TBCK: variants seen among roughly 807,000 people sequenced by gnomAD.
The protein encoded by TBCK is TBC1 domain containing kinase, also known as TBC domain-containing protein kinase-like protein.
In TBCK, 99 loss-of-function variants were observed where a neutral mutation model predicts 113.4. That is an observed-to-expected ratio of 0.87 (90% confidence interval 0.74 to 1.03). TBCK has a LOEUF of 1.03. TBCK is among the 50% of genes least tolerant of loss of function. The pLI, the probability that TBCK is intolerant of heterozygous loss-of-function variation, is 0.00. For missense variants in TBCK, 1,045 were observed against 1,061.3 expected, an observed-to-expected ratio of 0.98 and a Z score of 0.21; for synonymous variants, 369 against 370.8, an observed-to-expected ratio of 1.00 and a Z score of 0.05.
intron 11 of TBCK, among the ~76,000 whole-genome samples, chr4:106,242,776 A>G (rs940466086): frequency 3.3e-5 from 5 of 151,874 alleles, no homozygotes; most frequent in Non-Finnish European, 7.4e-5. Context: ...GGTTAGTTAC[A>G]TATGTATACA....
chr4:106,115,714 A>G (rs779822004), intron 24 of TBCK, among the ~76,000 whole-genome samples: 1 of 152,232 alleles, frequency 6.6e-6, no homozygotes, highest in Non-Finnish European at 1.5e-5. Flanking sequence ...TGGATGTTAC[A>G]GTATGTTCAA....
At chr4:106,298,566 T>C (rs1179829727) in intron 2 of TBCK, among the ~76,000 whole-genome samples, 2 of 151,930 alleles carry the variant, frequency 1.3e-5, no homozygotes, top group Non-Finnish European at 2.9e-5. Flanking sequence ...GCCGAGATCC[T>C]GCCACTGCAC....
intron 23 of TBCK, among the ~76,000 whole-genome samples, chr4:106,144,892 AT>A (rs765799041): frequency 2.0e-5 from 3 of 151,918 alleles, no homozygotes; most frequent in Non-Finnish European, 4.4e-5. Flanking sequence ...GCATGGTGGT[AT>A]ACGCCCATAA....
intron 22 of TBCK, among the ~76,000 whole-genome samples, chr4:106,174,981 G>T (rs962075918): frequency 1.3e-5 from 2 of 151,840 alleles, no homozygotes; most frequent in Non-Finnish European, 2.9e-5. Context: ...ACAAAAATTA[G>T]CCAAATGTGG....
At chr4:106,167,131 T>G (rs10025856) in intron 23 of TBCK, among the ~76,000 whole-genome samples, 9,866 of 143,068 alleles carry the variant, frequency 0.069, 403 homozygotes, top group African/African-American at 0.11. Flanking sequence ...TATATATATA[T>G]AGAGAGAGAG....
chr4:106,179,669 T>C (rs975991840), intron 22 of TBCK, among the ~76,000 whole-genome samples: 1 of 152,088 alleles, frequency 6.6e-6, no homozygotes, highest in Non-Finnish European at 1.5e-5. Context: ...ACAGGGTCCA[T>C]CTTGGAGAAT....
At chr4:106,078,610 A>G (rs554031748) in intron 25 of TBCK, among the ~76,000 whole-genome samples, 172 of 152,290 alleles carry the variant, frequency 1.1e-3, no homozygotes, top group African/African-American at 4.1e-3. Flanking sequence ...GAACAGACCT[A>G]TAACAAGTTC....
chr4:106,300,796 T>C (rs555165955), intron 2 of TBCK, among the ~76,000 whole-genome samples: 6 of 152,276 alleles, frequency 3.9e-5, no homozygotes, highest in Non-Finnish European at 8.8e-5. Context: ...ATCAGTTTAA[T>C]AGCCTTTAAG....
Position 106,300,539 on chromosome 4 carries a change from A to C in TBCK, c.194-5373T>G, listed in dbSNP as rs1388825386. On this transcript the variant is annotated intron_variant, in intron 2 of 25. Coordinates refer to ENST00000394708, the MANE Select transcript of TBCK (RefSeq NM_001163435.3). ...ACTAGCTCATCACCTTTAAAATATG[A>C]TATTTCAATAAGTGTTTATACAGTT... Among the ~76,000 whole-genome samples the C allele has an allele frequency of 1.7e-4, 26 of 152,218 alleles. 1 individual carries two copies. The highest frequency in any genetic ancestry group is 1.5e-5 in the Non-Finnish European group (1 of 68,034).
chr4:106,139,694 A>T (rs1746969397), intron 23 of TBCK, among the ~76,000 whole-genome samples: 1 of 141,728 alleles, frequency 7.1e-6, no homozygotes, highest in South Asian at 2.4e-4. Flanking sequence ...CAGAGATCAT[A>T]GAGATGTACT....
At chr4:106,133,163 C>T (rs1469058971) in intron 23 of TBCK, among the ~76,000 whole-genome samples, 1 of 152,094 alleles carries the variant, frequency 6.6e-6, no homozygotes, top group Non-Finnish European at 1.5e-5. Context: ...CCAAATCTCA[C>T]CTTGAACTGT....
intron 23 of TBCK, among the ~76,000 whole-genome samples, chr4:106,121,726 A>T (rs1204852221): frequency 6.6e-6 from 1 of 152,236 alleles, no homozygotes; most frequent in African/African-American, 2.4e-5. Flanking sequence ...AATCTTACTC[A>T]AAACCACTCA....
At chr4:106,080,649 C>A (rs991416487) in intron 25 of TBCK, among the ~76,000 whole-genome samples, 1 of 152,118 alleles carries the variant, frequency 6.6e-6, no homozygotes, top group Non-Finnish European at 1.5e-5. Flanking sequence ...GCTATTGCAA[C>A]AAAAGCAAAA....
At chr4:106,114,087 C>T (rs553954718) in intron 24 of TBCK, among the ~76,000 whole-genome samples, 6 of 152,272 alleles carry the variant, frequency 3.9e-5, no homozygotes, top group South Asian at 4.1e-4. Context: ...GATGCAAAGC[C>T]GGAATGCGAG....
At chr4:106,053,883 T>C (rs1735094369) in intron 25 of TBCK, among the ~76,000 whole-genome samples, 1 of 151,718 alleles carries the variant, frequency 6.6e-6, no homozygotes, top group South Asian at 2.1e-4. Flanking sequence ...TCTTTACCAA[T>C]GTATCCTGTA....
At chr4:106,274,464 G>A (rs921061525) in intron 3 of TBCK, among the ~76,000 whole-genome samples, 2 of 151,936 alleles carry the variant, frequency 1.3e-5, no homozygotes, top group African/African-American at 4.8e-5. Flanking sequence ...AACAAACTAT[G>A]GTAAAGACAT....
At chr4:106,193,140 G>C (rs1560795208) in intron 22 of TBCK, among the ~76,000 whole-genome samples, 2 of 152,098 alleles carry the variant, frequency 1.3e-5, no homozygotes. Context: ...TAGATGATTT[G>C]TCCTCCCAAG....
chr4:106,221,029 A>C (rs1258180689), intron 19 of TBCK, among the ~76,000 whole-genome samples: 1 of 152,238 alleles, frequency 6.6e-6, no homozygotes, highest in African/African-American at 2.4e-5. Context: ...CAGTTTATTA[A>C]ATATCATTCT....
chr4:106,162,801 G>T (rs559174200), intron 23 of TBCK, among the ~76,000 whole-genome samples: 1 of 152,020 alleles, frequency 6.6e-6, no homozygotes, highest in Admixed American at 6.6e-5. Context: ...AGCAGCCTAG[G>T]AAACCATTTT....
Sources: allele counts gnomAD v4.1 joint callset (sites outside exome capture counted in the v4.1 genomes callset), GRCh38; gene constraint gnomAD v4.1.1; transcripts MANE v1.5; gene names NCBI Gene and HGNC (gene_info 2026-07-23, HGNC 2026-07-21).